Variants in LTBP1 observed in about 807,000 individuals in gnomAD.
LTBP1 encodes latent-transforming growth factor beta-binding protein 1.
LTBP1 carries 129 observed loss-of-function variants against 207.6 expected under a neutral mutation model. The observed-to-expected ratio is 0.62, with a 90% CI of 0.54 to 0.72. The LOEUF (loss-of-function observed/expected upper bound fraction) is 0.72, where lower values mean the gene tolerates loss of function less well. LTBP1 is among the 30% of genes least tolerant of loss of function. LTBP1 has a pLI of 0.00. For synonymous variants in LTBP1, 963 were observed against 833.7 expected (o/e 1.16, Z -2.67); for missense variants, 2,281 against 2,217.2 (o/e 1.03, Z -0.58).
At chr2:33,002,482 C>G (rs918789360) in intron 2 of LTBP1, among the ~76,000 whole-genome samples, 2 of 152,170 alleles carry the variant, frequency 1.3e-5, no homozygotes, top group African/African-American at 4.8e-5. Context: ...TAGGCATTGT[C>G]TGGGAGTACC....
At chr2:32,991,998 C>T (rs1431313604) in intron 2 of LTBP1, among the ~76,000 whole-genome samples, 2 of 152,164 alleles carry the variant, frequency 1.3e-5, no homozygotes, top group African/African-American at 2.4e-5. Context: ...AGTCCTCCTG[C>T]TTATAGGGAA....
intron 31 of LTBP1, among the ~76,000 whole-genome samples, chr2:33,367,992 A>C (rs1006707865): frequency 6.6e-6 from 1 of 152,080 alleles, no homozygotes; most frequent in African/African-American, 2.4e-5. Flanking sequence ...AGGCGGGCGG[A>C]TCATGAGGTC....
intron 2 of LTBP1, among the ~76,000 whole-genome samples, chr2:33,010,909 G>A (rs977563761): frequency 5.3e-5 from 8 of 151,942 alleles, no homozygotes; most frequent in East Asian, 1.9e-4. Flanking sequence ...TAGTAGAGAC[G>A]GGGTTTCACC....
chr2:33,175,655 T>TA (rs2085957641), intron 5 of LTBP1, among the ~76,000 whole-genome samples: 1 of 152,162 alleles, frequency 6.6e-6, no homozygotes, highest in Admixed American at 6.5e-5. Flanking sequence ...CATTACTGGG[T>TA]ATATACCCAA....
intron 9 of LTBP1, among the ~76,000 whole-genome samples, chr2:33,224,669 C>T (rs549337183): frequency 6.6e-6 from 1 of 152,074 alleles, no homozygotes; most frequent in African/African-American, 2.4e-5. Context: ...TCTGTATTAC[C>T]TTAGAAAGTG....
At chr2:33,069,069 G>A (rs960126391) in intron 3 of LTBP1, among the ~76,000 whole-genome samples, 1 of 152,160 alleles carries the variant, frequency 6.6e-6, no homozygotes, top group African/African-American at 2.4e-5. Flanking sequence ...ATTTTGCTCC[G>A]GAAGTTAAGC....
chr2:33,266,879 T>C (rs2093195600), intron 15 of LTBP1, among the ~76,000 whole-genome samples: 1 of 152,146 alleles, frequency 6.6e-6, no homozygotes, highest in Non-Finnish European at 1.5e-5. Flanking sequence ...CTGAAAGAGC[T>C]ATGACACAAA....
intron 3 of LTBP1, among the ~76,000 whole-genome samples, chr2:33,071,808 C>G (rs1265049224): frequency 6.6e-6 from 1 of 152,190 alleles, no homozygotes; most frequent in African/African-American, 2.4e-5. Context: ...ACTGTGGGAC[C>G]TAAGCTGACA....
chr2:33,336,781 TAAG>T (rs1573903770), intron 24 of LTBP1, among the ~76,000 whole-genome samples: 1 of 152,184 alleles, frequency 6.6e-6, no homozygotes, highest in African/African-American at 2.4e-5. Flanking sequence ...GTTAAGAAAC[TAAG>T]AAGAAGCACT....
chr2:33,118,215 C>T (rs1200783279), intron 4 of LTBP1, among the ~76,000 whole-genome samples: 1 of 138,908 alleles, frequency 7.2e-6, no homozygotes, highest in African/African-American at 2.7e-5. Context: ...AAAAAAAAAA[C>T]AACAAAAAAA....
chr2:33,281,655 G>A (rs1046777283), intron 19 of LTBP1, among the ~76,000 whole-genome samples: 17 of 152,276 alleles, frequency 1.1e-4, no homozygotes, highest in Middle Eastern at 3.4e-3. Flanking sequence ...GGAGAGCTCC[G>A]TGTCCTGAGC....
chr2:33,163,915 A>G (rs994895909), intron 5 of LTBP1, among the ~76,000 whole-genome samples: 16 of 152,186 alleles, frequency 1.1e-4, no homozygotes, highest in African/African-American at 3.4e-4. Flanking sequence ...CCTTTTTATC[A>G]TAGTGCTCTA....
intron 10 of LTBP1, among the ~76,000 whole-genome samples, chr2:33,250,105 A>G (rs1242096083): frequency 1.3e-5 from 2 of 152,238 alleles, no homozygotes; most frequent in Admixed American, 1.3e-4. Context: ...GGGTTTACGC[A>G]TCATATTGAC....
intron 2 of LTBP1, among the ~76,000 whole-genome samples, chr2:33,001,837 A>C (rs1686093203): frequency 7.4e-6 from 1 of 135,308 alleles, no homozygotes; most frequent in Non-Finnish European, 1.6e-5. Flanking sequence ...TGGTTACCAT[A>C]AAGGCAAATA....
intron 9 of LTBP1, among the ~76,000 whole-genome samples, chr2:33,240,366 A>G (rs952001148): frequency 1.3e-5 from 2 of 152,234 alleles, no homozygotes; most frequent in Non-Finnish European, 2.9e-5. Flanking sequence ...TGATGTCATC[A>G]CTTGGAATGT....
chr2:33,152,182 T>A (rs550791652), intron 5 of LTBP1, among the ~76,000 whole-genome samples: 1 of 152,046 alleles, frequency 6.6e-6, no homozygotes, highest in African/African-American at 2.4e-5. Flanking sequence ...GACAAAGGAC[T>A]AATATCCAGA....
chr2:33,380,040 T>G (rs2095194160), intron 31 of LTBP1, among the ~76,000 whole-genome samples: 2 of 152,242 alleles, frequency 1.3e-5, no homozygotes. Flanking sequence ...TATCCTGGCT[T>G]GACCTTTGGA....
At chr2:32,948,251 T>C (rs1676573420) in intron 1 of LTBP1, among the ~76,000 whole-genome samples, 1 of 152,232 alleles carries the variant, frequency 6.6e-6, no homozygotes, top group South Asian at 2.1e-4. Flanking sequence ...ATCCAGCTCC[T>C]GTTCTGTGGC....
chr2:33,296,469 C>T (rs990085263), intron 20 of LTBP1, among the ~76,000 whole-genome samples: 8 of 152,076 alleles, frequency 5.3e-5, no homozygotes, highest in Admixed American at 2.0e-4. Context: ...GTGGCTCTTC[C>T]AGTGGTTCAT....
Sources: allele counts gnomAD v4.1 joint callset (sites outside exome capture counted in the v4.1 genomes callset), GRCh38; gene constraint gnomAD v4.1.1; transcripts MANE v1.5; gene names NCBI Gene and HGNC (gene_info 2026-07-23, HGNC 2026-07-21).